ZNF469: variants seen among roughly 807,000 people sequenced by gnomAD.
ZNF469 encodes zinc finger protein 469.
ZNF469 carries 1 observed loss-of-function variant against 1.0 expected under a neutral mutation model. The observed-to-expected ratio is 1.00, with a 90% CI of 0.35 to 4.73. The LOEUF is 4.73. Among genes scored for constraint, ZNF469 ranks in the 30% most tolerant of loss-of-function variants. ZNF469 has a pLI of 0.16. For missense variants in ZNF469, 6,100 were observed against 5,356.3 expected (o/e 1.14, Z -4.33); for synonymous variants, 2,703 against 2,363.4 (o/e 1.14, Z -4.17).
Position 88,382,968 on chromosome 16 carries a change from G to A in ZNF469, c.-478G>A, listed in dbSNP as rs1207104443. On this transcript the variant is annotated 5_prime_UTR_variant, in exon 1 of 3. Coordinates refer to ENST00000565624, the MANE Select transcript of ZNF469 (RefSeq NM_001367624.2). ...CCAGCCTCCGGGGGGCAGACCCCGC[G>A]GCCGCCGGCCGGCGTCCGGCCTTCC... Among the ~76,000 whole-genome samples the A allele has an allele frequency of 6.6e-6, 1 of 151,772 alleles. No homozygotes were observed. The highest frequency in any genetic ancestry group is 1.5e-5 in the Non-Finnish European group (1 of 67,878).
the ZNF469 span, among the ~76,000 whole-genome samples, chr16:88,265,031 A>G: frequency 2.6e-5 from 4 of 151,582 alleles, no homozygotes. Flanking sequence ...GACCTACTAG[A>G]TGCGTGGGTT....
the ZNF469 span, among the ~76,000 whole-genome samples, chr16:88,280,339 C>A: frequency 2.0e-5 from 3 of 151,876 alleles, no homozygotes; most frequent in African/African-American, 7.3e-5. Context: ...TGCTGCGCTA[C>A]GCCGACACTT....
chr16:88,216,605 T>C, the ZNF469 span, among the ~76,000 whole-genome samples: 5 of 152,236 alleles, frequency 3.3e-5, no homozygotes, highest in African/African-American at 4.8e-5. Context: ...AGTCTCTGAC[T>C]GCATCTAAGA....
chr16:88,393,480 G>C (rs964264243), intron 1 of ZNF469, among the ~76,000 whole-genome samples: 4 of 151,762 alleles, frequency 2.6e-5, no homozygotes, highest in Non-Finnish European at 5.9e-5. Context: ...ACCCAGGGGG[G>C]CCTGCCGTAG....
chr16:88,375,106 TG>T, the ZNF469 span, among the ~76,000 whole-genome samples: 1 of 152,250 alleles, frequency 6.6e-6, no homozygotes, highest in Non-Finnish European at 1.5e-5. Context: ...GGGTGGTTGA[TG>T]GTCTCTCAGG....
At chr16:88,418,069 C>A (rs1752067888) in intron 1 of ZNF469, among the ~76,000 whole-genome samples, 1 of 152,166 alleles carries the variant, frequency 6.6e-6, no homozygotes, top group Non-Finnish European at 1.5e-5. Context: ...CCTGGAGACC[C>A]CAGGAATAAC....
At chr16:88,329,922 G>A in the ZNF469 span, among the ~76,000 whole-genome samples, 3 of 152,312 alleles carry the variant, frequency 2.0e-5, no homozygotes, top group South Asian at 6.2e-4. Context: ...GCCCACAGGC[G>A]TGGCATCATC....
the ZNF469 span, among the ~76,000 whole-genome samples, chr16:88,149,714 A>G: frequency 6.6e-6 from 1 of 152,156 alleles, no homozygotes; most frequent in East Asian, 1.9e-4. Context: ...GGATGATGCC[A>G]GGGCATTGGG....
the ZNF469 span, among the ~76,000 whole-genome samples, chr16:88,148,020 G>A: frequency 3.3e-5 from 5 of 151,506 alleles, no homozygotes; most frequent in Admixed American, 2.6e-4. Context: ...TTCCTTCGTC[G>A]TTGTGTGTAC....
Position 88,438,015 on chromosome 16 carries a change from G to A in ZNF469, c.10545G>A (p.Val3515=), listed in dbSNP as rs1906723718. Residue 3515 remains valine (V), a synonymous_variant, in exon 3 of 3, where the codon GTG becomes GTA. Transcript: ENST00000565624. ...LPALLHLCSE[V]APSTTKGWPE... The stretch of plus-strand genomic sequence containing the variant: ...CCCTGCTCCACCTGTGTTCGGAGGT[G>A]GCTCCCAGCACCACCAAGGGATGGC... 1 of 1,549,820 alleles carries A rather than the reference G, an allele frequency of 6.5e-7. No homozygotes were observed. The highest frequency in any genetic ancestry group is 8.7e-7 in the Non-Finnish European group (1 of 1,146,926).
chr16:88,430,700 CG>C lies in ZNF469; in HGVS notation c.3234del (p.Arg1079GlyfsTer48), dbSNP rs1379388088. 6.8e-7 allele frequency: 1 copy of C among 1,480,972 alleles called. No homozygotes were observed. The highest frequency in any genetic ancestry group is 2.4e-5 in the Admixed American group (1 of 42,366). The allele number at this position is 1,480,972 out of a possible 1,614,324, so 91.7% of individuals were successfully genotyped here. A position where few individuals can be genotyped will look rare whatever the true frequency, so the allele number is the denominator to read the frequency against. On this transcript the variant is annotated frameshift_variant, in exon 3 of 3. Coordinates refer to ENST00000565624, the MANE Select transcript of ZNF469 (RefSeq NM_001367624.2). LOFTEE classifies it low-confidence loss of function (END_TRUNC). The stretch of plus-strand genomic sequence containing the variant: ...GCGGGCAGGTGCGGCTCCCTGGCGG[CG>C]GGGAGGCCCCGGCCCGGAGCTGAGG... ...RRAGRCGSLAAGRPRPGAEDR... is the reference protein window; with the variant it reads ...RRAGRCGSLAXGRPRPGAEDR...
rs1271985370 is a variant in ZNF469 at position 88,436,822 on chromosome 16, A to G, written c.9352A>G (p.Lys3118Glu). Residue 3118 changes from lysine (K) to glutamate (E), a missense_variant, in exon 3 of 3, where the codon AAA (lysine) becomes GAA (glutamate). Physicochemically the swap from Lys to Glu is moderately conservative, Grantham distance 56. Transcript: ENST00000565624. ...GGGCAGGCGGGCCTCCTACAAGTGC[A>G]AAGTGTGCTTCCAGCGCTTCCGCAG... ...AKGRRASYKC[K>E]VCFQRFRSLG... 2.6e-6 allele frequency: 4 copies of G among 1,538,912 alleles called. No homozygotes were observed. The highest frequency in any genetic ancestry group is 4.9e-5 in the East Asian group (2 of 40,856).
the ZNF469 span, among the ~76,000 whole-genome samples, chr16:88,110,423 G>A: frequency 6.6e-6 from 1 of 152,266 alleles, no homozygotes; most frequent in African/African-American, 2.4e-5. Flanking sequence ...TTCTCTGGCA[G>A]GGGCTGGCTC....
chr16:88,269,724 G>C, the ZNF469 span, among the ~76,000 whole-genome samples: 4 of 152,076 alleles, frequency 2.6e-5, no homozygotes, highest in African/African-American at 9.7e-5. Flanking sequence ...AATCCCCCCA[G>C]CACACATTTG....
the ZNF469 span, among the ~76,000 whole-genome samples, chr16:88,204,902 G>A: frequency 2.0e-5 from 3 of 152,194 alleles, no homozygotes; most frequent in African/African-American, 4.8e-5. Context: ...GCTAGCGACC[G>A]GCCTCCAGGC....
chr16:88,273,385 A>G, the ZNF469 span, among the ~76,000 whole-genome samples: 1 of 151,968 alleles, frequency 6.6e-6, no homozygotes, highest in African/African-American at 2.4e-5. Context: ...AGTCGTGCAC[A>G]TGAAAAGACG....
the ZNF469 span, among the ~76,000 whole-genome samples, chr16:88,133,241 C>T: frequency 4.6e-5 from 7 of 152,238 alleles, no homozygotes; most frequent in South Asian, 2.1e-4. Flanking sequence ...TTGTTTCTGA[C>T]GGCCTAAGAA....
chr16:88,325,112 C>A, the ZNF469 span, among the ~76,000 whole-genome samples: 9 of 149,018 alleles, frequency 6.0e-5, no homozygotes, highest in Non-Finnish European at 1.3e-4. Context: ...TACTCAGGGT[C>A]TCAAGTCCTC....
the ZNF469 span, among the ~76,000 whole-genome samples, chr16:88,328,785 C>T: frequency 5.9e-5 from 9 of 152,152 alleles, no homozygotes; most frequent in African/African-American, 2.2e-4. Flanking sequence ...AGGGCTGCTT[C>T]CCACACAGTG....
Sources: allele counts gnomAD v4.1 joint callset (sites outside exome capture counted in the v4.1 genomes callset), GRCh38; gene constraint gnomAD v4.1.1; transcripts MANE v1.5; gene names NCBI Gene and HGNC (gene_info 2026-07-23, HGNC 2026-07-21).